Variants in TSPEAR observed in about 807,000 individuals in gnomAD.
TSPEAR encodes the protein thrombospondin-type laminin G domain and EAR repeat-containing protein.
In TSPEAR, 69 loss-of-function variants were observed where a neutral mutation model predicts 71.6. That is an observed-to-expected ratio of 0.96 (90% CI 0.79 to 1.18). TSPEAR has a LOEUF of 1.18. Among genes scored for constraint, TSPEAR ranks in the 50% most tolerant of loss-of-function variants. The probability of loss-of-function intolerance (pLI) is 0.00; values close to 1 mark genes in which losing one functional copy is unlikely to be tolerated. For missense variants in TSPEAR, 971 were observed against 894.9 expected, an observed-to-expected ratio of 1.09 and a Z score of -1.09; for synonymous variants, 402 against 387.2, an observed-to-expected ratio of 1.04 and a Z score of -0.45.
chr21:44,648,095 G>T (rs996092619), intron 1 of TSPEAR, among the ~76,000 whole-genome samples: 3 of 152,234 alleles, frequency 2.0e-5, no homozygotes, highest in African/African-American at 7.2e-5. Flanking sequence ...GGGCCACTCT[G>T]TGTGCTCTGA....
intron 1 of TSPEAR, chr21:44,580,545 C>A (rs376826211): frequency 6.2e-7 from 1 of 1,613,522 alleles, no homozygotes; most frequent in Non-Finnish European, 8.5e-7. Flanking sequence ...TCAGAGCAAG[C>A]GCTGGAGCAG....
chr21:44,708,115 A>G (rs998509600), intron 1 of TSPEAR, among the ~76,000 whole-genome samples: 1 of 151,722 alleles, frequency 6.6e-6, no homozygotes, highest in African/African-American at 2.4e-5. Flanking sequence ...GAGGGAGTGC[A>G]AGTGTGCGCT....
chr21:44,501,197 C>G (rs1478452639), intron 11 of TSPEAR, among the ~76,000 whole-genome samples: 1 of 152,190 alleles, frequency 6.6e-6, no homozygotes, highest in African/African-American at 2.4e-5. Context: ...CGCCTATAAT[C>G]TCAGCACTTT....
At chr21:44,519,080 G>T in intron 9 of TSPEAR, 1 of 162,476 alleles carries the variant, frequency 6.2e-6, no homozygotes, top group South Asian at 1.6e-4. Flanking sequence ...CCAGGCTGGA[G>T]TGCAGTGGCG....
intron 1 of TSPEAR, among the ~76,000 whole-genome samples, chr21:44,689,201 A>T (rs996558248): frequency 7.2e-5 from 11 of 152,142 alleles, no homozygotes; most frequent in Non-Finnish European, 1.5e-4. Flanking sequence ...GGTTTAAGGA[A>T]CTTAAAAAAT....
intron 1 of TSPEAR, among the ~76,000 whole-genome samples, chr21:44,616,754 C>T (rs767205824): frequency 1.2e-4 from 18 of 152,374 alleles, no homozygotes; most frequent in African/African-American, 1.7e-4. Context: ...AGGCAGCGCA[C>T]GGACAGAGTC....
intron 2 of TSPEAR, chr21:44,551,397 T>G (rs781915582): frequency 4.2e-5 from 68 of 1,613,298 alleles, no homozygotes; most frequent in Middle Eastern, 1.8e-4. Context: ...CTCTGGGCAG[T>G]CGTCCACCTG....
chr21:44,675,558 T>C (rs1470420667), intron 1 of TSPEAR, among the ~76,000 whole-genome samples: 3 of 152,116 alleles, frequency 2.0e-5, no homozygotes, highest in Non-Finnish European at 4.4e-5. Context: ...TCTTGTTTAT[T>C]CAGTTTGCTC....
chr21:44,703,194 C>T (rs564049484), intron 1 of TSPEAR, among the ~76,000 whole-genome samples: 28 of 152,230 alleles, frequency 1.8e-4, no homozygotes, highest in Non-Finnish European at 3.5e-4. Flanking sequence ...CATTCTTTCT[C>T]GGGCCCTCTA....
Position 44,573,958 on chromosome 21 carries a change from G to C in TSPEAR, c.83-5953C>G, listed in dbSNP as rs1978300565. 1.9e-6 allele frequency: 3 copies of C among 1,612,212 alleles called. No homozygotes were observed. In the East Asian group the frequency reaches 6.7e-5, roughly 36 times the overall value. ...CCAGTGAGCCGTGTGTCCAGCCCCT[G>C]CTGCCCAGTGACCTGTGAGCCCAGC... On this transcript the variant is annotated intron_variant, in intron 1 of 11. Coordinates refer to ENST00000323084, the MANE Select transcript of TSPEAR (RefSeq NM_144991.3).
In TSPEAR at chr21:44,521,924, T is replaced by TGTAGAGGTGCGAGTGCACCTTG; in HGVS notation, c.1503_1524dup (p.Ile509GlnfsTer56). The TGTAGAGGTGCGAGTGCACCTTG allele has an allele frequency of 6.2e-7, 1 of 1,613,674 alleles. No individual in the cohort carries two copies. The highest frequency in any genetic ancestry group is 8.5e-7 in the Non-Finnish European group (1 of 1,179,872). ...AGCTGGAAGGAGCCCAGGAGTCGGA[T>TGTAGAGGTGCGAGTGCACCTTG]GTAGAGGTGCGAGTGCACCTTGGTG... On this transcript the variant is annotated frameshift_variant, in exon 9 of 12. Transcript: ENST00000323084. LOFTEE classifies it high-confidence loss of function.
Position 44,612,994 on chromosome 21 carries a change from G to A in TSPEAR, c.83-44989C>T. ...CCCCTACCTGGGATGGGGTCTCCAT[G>A]TCTCCCCTGTGCTGAGGTGACCTCT... On this transcript the variant is annotated intron_variant, in intron 1 of 11. Coordinates refer to ENST00000323084, the MANE Select transcript of TSPEAR (RefSeq NM_144991.3). The surrounding 1 kb of genome is among the most constrained non-coding windows in gnomAD (Gnocchi z 4.1). 1.4e-6 allele frequency: 2 copies of A among 1,464,560 alleles called. No homozygotes were observed. The highest frequency in any genetic ancestry group is 1.9e-6 in the Non-Finnish European group (2 of 1,078,712). 90.7% of individuals were successfully genotyped at this position (1,464,560 alleles called of 1,614,324 possible).
intron 3 of TSPEAR, among the ~76,000 whole-genome samples, chr21:44,531,468 T>C (rs1342389830): frequency 6.6e-6 from 1 of 152,166 alleles, no homozygotes; most frequent in Admixed American, 6.5e-5. Flanking sequence ...CTAGTCACAC[T>C]GGAGCAGGGC....
chr21:44,672,183 C>A (rs1049834349), intron 1 of TSPEAR, among the ~76,000 whole-genome samples: 2 of 152,076 alleles, frequency 1.3e-5, no homozygotes, highest in Non-Finnish European at 2.9e-5. Flanking sequence ...ATAAACAAAG[C>A]CTATGTAACA....
chr21:44,690,133 T>A (rs540436529), intron 1 of TSPEAR, among the ~76,000 whole-genome samples: 1,702 of 152,130 alleles, frequency 0.011, 28 homozygotes, highest in African/African-American at 0.039. Context: ...CACCATGAGG[T>A]TGAGAAATCG....
rs371498624 is a variant in TSPEAR, at chr21:44,592,324, C to G, written c.83-24319G>C. The G allele has an allele frequency of 1.0e-4, 143 of 1,400,898 alleles. 1 individual carries two copies. Among genetic ancestry groups the G allele is most frequent in the Middle Eastern group, 2.4e-4 (1 of 4,092 alleles). 86.8% of individuals were successfully genotyped at this position (1,400,898 alleles called of 1,614,324 possible). Reference sequence around the variant, plus strand: ...ACGGCTCACTGGGGTGCAGACCAGGCTCAGGCAGGGGGCCGGGGCGCAGCA... The same window carrying G: ...ACGGCTCACTGGGGTGCAGACCAGGGTCAGGCAGGGGGCCGGGGCGCAGCA... On this transcript the variant is annotated intron_variant, in intron 1 of 11. Coordinates refer to ENST00000323084, the MANE Select transcript of TSPEAR (RefSeq NM_144991.3).
At chr21:44,510,467 C>T (rs892836950) in intron 9 of TSPEAR, among the ~76,000 whole-genome samples, 6 of 152,212 alleles carry the variant, frequency 3.9e-5, no homozygotes, top group East Asian at 1.9e-4. Flanking sequence ...AGCAAGGGCC[C>T]GGCTCAGACG....
At chr21:44,634,991 C>T (rs1555936368) in intron 1 of TSPEAR, among the ~76,000 whole-genome samples, 1 of 152,154 alleles carries the variant, frequency 6.6e-6, no homozygotes, top group African/African-American at 2.4e-5. Flanking sequence ...CATCAGTTCC[C>T]ACTCCTAGGT....
At chr21:44,505,836 T>A (rs1287281143) in intron 10 of TSPEAR, among the ~76,000 whole-genome samples, 6 of 152,048 alleles carry the variant, frequency 3.9e-5, no homozygotes, top group Admixed American at 3.9e-4. Flanking sequence ...ATTTCCTCCA[T>A]GTGGCTACTG....
Sources: gnomAD v4.1 joint callset for allele counts (sites outside exome capture counted in the v4.1 genomes callset) on GRCh38, gnomAD v4.1.1 for gene constraint, Gnocchi (gnomAD v3.1) non-coding constraint, MANE v1.5 for transcripts, NCBI Gene and HGNC (gene_info 2026-07-23, HGNC 2026-07-21) for gene names.